ITPR3: variants seen among roughly 807,000 people sequenced by gnomAD.
ITPR3 encodes inositol 1,4,5-trisphosphate-gated calcium channel ITPR3.
A neutral mutation model predicts 293.2 loss-of-function variants in ITPR3; 173 were observed. That is an observed-to-expected ratio of 0.59 (90% CI 0.52 to 0.67). The LOEUF is 0.67. Ranked by LOEUF, ITPR3 falls within the 30% of genes least tolerant of loss-of-function variation. The probability of loss-of-function intolerance (pLI) is 0.00; values close to 1 mark genes in which losing one functional copy is unlikely to be tolerated. For synonymous variants in ITPR3, 1,295 were observed against 1,444.4 expected (o/e 0.90, Z 2.35); for missense variants, 2,796 against 3,592.1 (o/e 0.78, Z 5.66).
Position 33,667,435 on chromosome 6 carries a change from A to G in ITPR3, c.1713+145A>G. The G allele has an allele frequency of 1.8e-6, 2 of 1,104,220 alleles. No individual in the cohort carries two copies. Among genetic ancestry groups the G allele is most frequent in the Admixed American group, 2.7e-5 (1 of 36,866 alleles). The allele number at this position is 1,104,220 out of a possible 1,614,324, so 68.4% of individuals were successfully genotyped here. ...CAGACAGCAGGGCCGGGTTCATGGGAATGGGACCTGGCCCGGTGCTCACAA... is the reference window on the plus strand; with the variant it reads ...CAGACAGCAGGGCCGGGTTCATGGGGATGGGACCTGGCCCGGTGCTCACAA... On this transcript the variant is annotated intron_variant, in intron 15 of 57. Transcript: ENST00000605930. This position sits in a 1 kb window ranked among gnomAD's most constrained non-coding sequence, Gnocchi z 4.4.
chr6:33,682,835 A>G lies in ITPR3; in HGVS notation c.4597+191A>G, dbSNP rs1765114243. ...GAGAAGCTGTTTTCTCCTCTGGGTC[A>G]GTTCCCCAGAGAAGGATGCTCGCCG... On this transcript the variant is annotated intron_variant, in intron 34 of 57. Transcript: ENST00000605930. This position sits in a 1 kb window ranked among gnomAD's most constrained non-coding sequence, Gnocchi z 5.4. Among the ~76,000 whole-genome samples the G allele has an allele frequency of 6.6e-6, 1 of 152,090 alleles. No homozygotes were observed. Among genetic ancestry groups the G allele is most frequent in the Admixed American group, 6.5e-5 (1 of 15,270 alleles).
At chr6:33,660,492 A>G (rs1301061816) in intron 7 of ITPR3, among the ~76,000 whole-genome samples, 5 of 151,584 alleles carry the variant, frequency 3.3e-5, no homozygotes, top group Non-Finnish European at 7.4e-5. Flanking sequence ...CCGTCTACCC[A>G]TGCCCTGCCC....
rs531737964 is a variant in ITPR3 at position 33,694,843 on chromosome 6, C to A, written c.7786-81C>A. ...TTTGTTAAGGGTGTGGCAGAAGCCT[C>A]CCCCCACATTACTGTTTTTCTAAAT... On this transcript the variant is annotated intron_variant, in intron 56 of 57. Transcript: ENST00000605930. 5.1e-5 allele frequency: 79 copies of A among 1,544,884 alleles called. No homozygotes were observed. In the East Asian group the frequency reaches 1.7e-3, roughly 33 times the overall value.
At chr6:33,627,245 A>T (rs1324924698) in intron 1 of ITPR3, among the ~76,000 whole-genome samples, 5 of 3,312 alleles carry the variant, frequency 1.5e-3, no homozygotes, top group Non-Finnish European at 3.1e-3. Flanking sequence ...ATTAAAAAAA[A>T]ATATACATTC....
At position 33,690,118 on chromosome 6, in the gene ITPR3, A is replaced by G. The variant is rs140741834; in HGVS notation, c.6952A>G (p.Met2318Val). 2.0e-5 allele frequency: 33 copies of G among 1,614,092 alleles called. No individual in the cohort carries two copies. In the African/African-American group the frequency reaches 3.2e-4, roughly 16 times the overall value. Reference protein sequence around the residue: ...IRGYKAMVMDMEFLYHVGYIL... With the variant: ...IRGYKAMVMDVEFLYHVGYIL... ...GGGCTATAAGGCCATGGTCATGGACATGGAATTCCTCTACCACGTGGGCTA... is the reference window on the plus strand; with the variant it reads ...GGGCTATAAGGCCATGGTCATGGACGTGGAATTCCTCTACCACGTGGGCTA... Residue 2318 changes from methionine (M) to valine (V), a missense_variant, in exon 51 of 58, where the codon ATG becomes GTG. Around this residue, in one of 8 missense-constraint regions of ITPR3, gnomAD observed 568 missense variants for 796.1 expected, o/e 0.71. Transcript: ENST00000605930.
Position 33,621,468 on chromosome 6 carries a change from C to G in ITPR3, c.-135C>G. On this transcript the variant is annotated 5_prime_UTR_variant, in exon 1 of 58. Coordinates refer to ENST00000605930, the MANE Select transcript of ITPR3 (RefSeq NM_002224.4). The surrounding 1 kb of genome is among the most constrained non-coding windows in gnomAD (Gnocchi z 7.7). The stretch of plus-strand genomic sequence containing the variant: ...GGCTCCCGTGGCCGCCAGCCCGCCC[C>G]GGCCGCACCGAGCGTCGGGATCCGA... The G allele has an allele frequency of 1.7e-6, 1 of 580,152 alleles. No individual in the cohort carries two copies. Among genetic ancestry groups the G allele is most frequent in the Non-Finnish European group, 2.9e-6 (1 of 342,144 alleles). The allele number at this position is 580,152 out of a possible 1,614,324, so 35.9% of individuals were successfully genotyped here.
In ITPR3 at chr6:33,666,587, A is replaced by G. The variant is rs1267751707; in HGVS notation, c.1552-542A>G. On this transcript the variant is annotated intron_variant, in intron 14 of 57. Transcript: ENST00000605930. The surrounding 1 kb of genome is among the most constrained non-coding windows in gnomAD (Gnocchi z 5.1). ...TATCACATTTCTCTAATGTTCCCAG[A>G]ATGTCTTTGTAAAGTTTGTTTTTTT... 6.7e-6 allele frequency among the ~76,000 whole-genome samples: 1 copy of G among 149,462 alleles called. No individual in the cohort carries two copies. The highest frequency in any genetic ancestry group is 1.5e-5 in the Non-Finnish European group (1 of 67,700).
chr6:33,677,239 C>T, intron 27 of ITPR3, 150 bp downstream of exon 27: 1 of 803,432 alleles, frequency 1.2e-6, no homozygotes, highest in Non-Finnish European at 2.0e-6. Flanking sequence ...TAAAAACAGC[C>T]CTGCCAAGGT....
At chr6:33,676,702 T>C (rs1764916162) in intron 25 of ITPR3, 66 bp from the exon 26 acceptor site, 1 of 1,584,952 alleles carries the variant, frequency 6.3e-7, no homozygotes, top group South Asian at 1.1e-5. Flanking sequence ...AGGAAGGTGC[T>C]GGAGGTCTCT....
intron 2 of ITPR3, among the ~76,000 whole-genome samples, chr6:33,643,336 C>T (rs577389665): frequency 6.6e-6 from 1 of 152,308 alleles, no homozygotes; most frequent in South Asian, 2.1e-4. Flanking sequence ...CTCGCAAAGC[C>T]CCCACCACCC....
intron 43 of ITPR3, among the ~76,000 whole-genome samples, chr6:33,686,771 G>A (rs1484928652): frequency 1.3e-5 from 2 of 152,202 alleles, no homozygotes; most frequent in East Asian, 1.9e-4. Context: ...GACTTGCTAT[G>A]TGTGTGTCTG....
At chr6:33,659,636 C>A in intron 7 of ITPR3, 87 bp downstream of exon 7, 1 of 1,128,654 alleles carries the variant, frequency 8.9e-7, no homozygotes, top group Non-Finnish European at 1.3e-6. Flanking sequence ...ACCCGCCAGG[C>A]CTCAGGCCCT....
rs556693889 is a variant in ITPR3, at chr6:33,632,405, T to G, written c.90-8079T>G. The stretch of plus-strand genomic sequence containing the variant: ...TCTATCTAGCTCCCTTCCTCCTCCT[T>G]ATCTAATCTTTCCAGACAGCACTGA... On this transcript the variant is annotated intron_variant, in intron 1 of 57. Transcript: ENST00000605930. The surrounding 1 kb of genome is among the most constrained non-coding windows in gnomAD (Gnocchi z 4.1). Among the ~76,000 whole-genome samples, 58 of 152,262 alleles carry G rather than the reference T, an allele frequency of 3.8e-4. No individual in the cohort carries two copies. The highest frequency in any genetic ancestry group is 1.3e-3 in the African/African-American group (52 of 41,544).
At chr6:33,630,562 T>C (rs974868942) in intron 1 of ITPR3, among the ~76,000 whole-genome samples, 32 of 152,174 alleles carry the variant, frequency 2.1e-4, no homozygotes, top group African/African-American at 7.5e-4. Context: ...TCCTTGGCCT[T>C]ACAGATATGT....
intron 3 of ITPR3, among the ~76,000 whole-genome samples, chr6:33,656,659 G>T (rs1473996215): frequency 6.6e-6 from 1 of 152,216 alleles, no homozygotes; most frequent in Non-Finnish European, 1.5e-5. Context: ...CAGTGGCTCA[G>T]TTCACATCCT....
Position 33,694,846 on chromosome 6 carries a change from C to T in ITPR3, c.7786-78C>T, listed in dbSNP as rs901628019. The T allele has an allele frequency of 9.6e-6, 15 of 1,564,878 alleles. No homozygotes were observed. The African/African-American group carries it at 1.1e-4, about 11-fold the overall frequency. ...GTTAAGGGTGTGGCAGAAGCCTCCC[C>T]CCACATTACTGTTTTTCTAAATGAG... On this transcript the variant is annotated intron_variant, in intron 56 of 57. Transcript: ENST00000605930.
intron 1 of ITPR3, among the ~76,000 whole-genome samples, chr6:33,630,187 A>T (rs1267654452): frequency 6.6e-6 from 1 of 152,088 alleles, no homozygotes. Flanking sequence ...CCCCGCCCTC[A>T]TCTCCTTTTC....
intron 1 of ITPR3, among the ~76,000 whole-genome samples, chr6:33,639,508 C>G (rs1474365187): frequency 1.3e-5 from 2 of 152,102 alleles, no homozygotes; most frequent in Admixed American, 6.5e-5. Context: ...TCGGTTTTCT[C>G]CTCAGTAAAA....
At chr6:33,680,489 C>CTGTG in intron 32 of ITPR3, 35 bp downstream of exon 32, 1 of 1,611,442 alleles carries the variant, frequency 6.2e-7, no homozygotes, top group South Asian at 1.1e-5. Flanking sequence ...TGAAGCCCCC[C>CTGTG]AGGAGGTGTG....
Sources: allele counts gnomAD v4.1 joint callset (sites outside exome capture counted in the v4.1 genomes callset), GRCh38; gene constraint gnomAD v4.1.1; regional missense constraint gnomAD v4.1.1; non-coding constraint Gnocchi (gnomAD v3.1); transcripts MANE v1.5; gene names NCBI Gene and HGNC (gene_info 2026-07-23, HGNC 2026-07-21).